Variants in HECW1 observed in about 807,000 individuals in gnomAD.
HECW1 encodes the protein E3 ubiquitin-protein ligase HECW1.
A neutral mutation model predicts 182.3 loss-of-function variants in HECW1; 61 were observed. The observed-to-expected ratio is 0.33, with a 90% CI of 0.27 to 0.41. HECW1 has a LOEUF of 0.41. HECW1 is among the 10% of genes least tolerant of loss of function. The pLI, the probability that HECW1 is intolerant of heterozygous loss-of-function variation, is 1.00. For missense variants in HECW1, 1,739 were observed against 2,108.9 expected (o/e 0.82, Z 3.44); for synonymous variants, 859 against 832.6 (o/e 1.03, Z -0.55).
At chr7:43,471,268 T>C (rs894789563) in intron 16 of HECW1, among the ~76,000 whole-genome samples, 1 of 152,146 alleles carries the variant, frequency 6.6e-6, no homozygotes, top group Non-Finnish European at 1.5e-5. Flanking sequence ...ACCCTCTAAC[T>C]TGGAAAGGAT....
Position 43,432,329 on chromosome 7 carries a change from C to T in HECW1, c.802-5674C>T, listed in dbSNP as rs1043044979. On this transcript the variant is annotated intron_variant, in intron 8 of 29. Coordinates refer to ENST00000395891, the MANE Select transcript of HECW1 (RefSeq NM_015052.5). The surrounding 1 kb of genome is among the most constrained non-coding windows in gnomAD (Gnocchi z 4.1). ...TAATTTTTTGTATTTTTAGTAGAGA[C>T]GGGGTTTCACCGTTTTAGCCGGGAT... Among the ~76,000 whole-genome samples, 6 of 151,224 alleles carry T rather than the reference C, an allele frequency of 4.0e-5. No homozygotes were observed. In the East Asian group the frequency reaches 7.8e-4, roughly 20 times the overall value.
intron 19 of HECW1, among the ~76,000 whole-genome samples, chr7:43,495,287 G>A (rs1035478782): frequency 2.0e-5 from 3 of 151,680 alleles, no homozygotes; most frequent in Non-Finnish European, 4.4e-5. Context: ...AACAGGCCCC[G>A]GTGTGTGATG....
At chr7:43,388,691 C>T (rs2074898820) in intron 6 of HECW1, among the ~76,000 whole-genome samples, 1 of 152,100 alleles carries the variant, frequency 6.6e-6, no homozygotes, top group African/African-American at 2.4e-5. Flanking sequence ...GGCATAATCT[C>T]AGCTCACTGA....
At chr7:43,154,127 A>C (rs534311393) in intron 2 of HECW1, among the ~76,000 whole-genome samples, 3 of 152,306 alleles carry the variant, frequency 2.0e-5, no homozygotes, top group Admixed American at 2.0e-4. Context: ...GATTTCCTCT[A>C]TGGCAAAATA....
In HECW1 at chr7:43,311,935, C is replaced by G. The variant is rs201089900; in HGVS notation, c.200C>G (p.Thr67Ser). The G allele has an allele frequency of 8.1e-6, 13 of 1,614,228 alleles. No homozygotes were observed. The highest frequency in any genetic ancestry group is 1.1e-5 in the South Asian group (1 of 91,088). ...PHDGVTIPRSTSDTDLVTSDS... is the reference protein window; with the variant it reads ...PHDGVTIPRSSSDTDLVTSDS... The stretch of plus-strand genomic sequence containing the variant: ...GATGGCGTCACCATTCCCCGCTCCA[C>G]CAGCGACACTGACCTGGTCACCTCG... The change falls in exon 4 of 30, where the codon ACC becomes AGC. Residue 67 changes from threonine to serine, a missense_variant. Thr to Ser is a moderately conservative substitution (Grantham distance 58). Coordinates refer to ENST00000395891, the MANE Select transcript of HECW1 (RefSeq NM_015052.5).
chr7:43,478,575 G>C (rs950637875), intron 16 of HECW1, among the ~76,000 whole-genome samples: 1 of 151,890 alleles, frequency 6.6e-6, no homozygotes, highest in African/African-American at 2.4e-5. Context: ...TAATAATTTA[G>C]GGAAATACTT....
intron 3 of HECW1, among the ~76,000 whole-genome samples, chr7:43,283,242 C>A (rs1804155039): frequency 1.4e-5 from 2 of 147,332 alleles, no homozygotes; most frequent in South Asian, 4.3e-4. Context: ...AATTTCATTG[C>A]AATATTAAGA....
intron 27 of HECW1, among the ~76,000 whole-genome samples, chr7:43,550,930 AC>A (rs2081798048): frequency 6.6e-6 from 1 of 152,242 alleles, no homozygotes; most frequent in African/African-American, 2.4e-5. Flanking sequence ...AGTCAATGAA[AC>A]AAAAATAAGT....
chr7:43,502,384 C>G (rs909926712), intron 21 of HECW1, among the ~76,000 whole-genome samples: 4 of 152,198 alleles, frequency 2.6e-5, no homozygotes, highest in African/African-American at 9.7e-5. Flanking sequence ...TCGCCAGACA[C>G]AATGGCTAAC....
intron 24 of HECW1, among the ~76,000 whole-genome samples, chr7:43,535,352 C>A (rs2081139106): frequency 6.6e-6 from 1 of 152,190 alleles, no homozygotes; most frequent in African/African-American, 2.4e-5. Context: ...CATTAGCTCC[C>A]TTCAGATCTC....
chr7:43,399,983 C>T (rs997098057), intron 7 of HECW1, among the ~76,000 whole-genome samples: 6 of 152,168 alleles, frequency 3.9e-5, no homozygotes, highest in African/African-American at 1.4e-4. Flanking sequence ...TACCTATAAT[C>T]CCAGCACTTT....
intron 27 of HECW1, 21 bp downstream of exon 27, chr7:43,550,612 G>T: frequency 6.3e-7 from 1 of 1,581,306 alleles, no homozygotes; most frequent in South Asian, 1.1e-5. Context: ...GTGGCCTGGG[G>T]AAGGCAAGCT....
intron 5 of HECW1, among the ~76,000 whole-genome samples, chr7:43,336,152 C>CTT (rs1812229701): frequency 2.0e-4 from 13 of 64,146 alleles, no homozygotes; most frequent in South Asian, 6.1e-4. Context: ...CTTTCTCTCT[C>CTT]TCTCTCTCTC....
chr7:43,501,671 A>G (rs367994771), intron 21 of HECW1, among the ~76,000 whole-genome samples: 35 of 152,188 alleles, frequency 2.3e-4, no homozygotes, highest in African/African-American at 8.2e-4. Flanking sequence ...TCTCTACAAA[A>G]AAATTAAAAC....
At chr7:43,179,422 C>T (rs1415307490) in intron 2 of HECW1, among the ~76,000 whole-genome samples, 1 of 152,192 alleles carries the variant, frequency 6.6e-6, no homozygotes, top group African/African-American at 2.4e-5. Context: ...GTTCTTTGTG[C>T]TCAAGAGCTA....
intron 6 of HECW1, among the ~76,000 whole-genome samples, chr7:43,388,939 G>C (rs957905092): frequency 2.6e-5 from 4 of 152,188 alleles, no homozygotes; most frequent in Admixed American, 2.6e-4. Context: ...TTCACAGGCC[G>C]AGGGGACAGC....
chr7:43,514,717 A>G lies in HECW1; in HGVS notation c.4019+5596A>G, dbSNP rs150485266. ...CCTGATTTTCTATCTTTAGGGATAC[A>G]TAATTTAATAATTAAGCTAAATAAT... On this transcript the variant is annotated intron_variant, in intron 24 of 29. Transcript: ENST00000395891. 4.6e-5 allele frequency among the ~76,000 whole-genome samples: 7 copies of G among 152,328 alleles called. No individual in the cohort carries two copies. In the East Asian group the frequency reaches 7.7e-4, roughly 17 times the overall value.
At chr7:43,200,996 A>C (rs1794975018) in intron 2 of HECW1, among the ~76,000 whole-genome samples, 1 of 152,210 alleles carries the variant, frequency 6.6e-6, no homozygotes, top group African/African-American at 2.4e-5. Context: ...TCGATGTAAG[A>C]TTCACAGTGG....
chr7:43,164,222 G>T (rs1790854987), intron 2 of HECW1, among the ~76,000 whole-genome samples: 1 of 152,204 alleles, frequency 6.6e-6, no homozygotes, highest in Non-Finnish European at 1.5e-5. Flanking sequence ...GAGACAGGGA[G>T]GCAGCAGAGA....
Sources: gnomAD v4.1 joint callset for allele counts (sites outside exome capture counted in the v4.1 genomes callset) on GRCh38, gnomAD v4.1.1 for gene constraint, Gnocchi (gnomAD v3.1) non-coding constraint, MANE v1.5 for transcripts, NCBI Gene and HGNC (gene_info 2026-07-23, HGNC 2026-07-21) for gene names.